The following EED variants were observed in gnomAD, a reference collection of about 807,000 sequenced individuals.
EED encodes the protein embryonic ectoderm development, also known as polycomb protein EED.
In EED, 9 loss-of-function variants were observed where a neutral mutation model predicts 61.0. That is an observed-to-expected ratio of 0.15 (90% CI 0.09 to 0.26). The LOEUF (loss-of-function observed/expected upper bound fraction) is 0.26, where lower values mean the gene tolerates loss of function less well. EED is among the 10% of genes least tolerant of loss of function. The pLI is 1.00. For missense variants in EED, 315 were observed against 542.3 expected (o/e 0.58, Z 4.16); for synonymous variants, 187 against 174.4 (o/e 1.07, Z -0.57).
intron 9 of EED, among the ~76,000 whole-genome samples, chr11:86,272,463 T>C (rs1424574786): frequency 6.6e-6 from 1 of 152,206 alleles, no homozygotes; most frequent in Non-Finnish European, 1.5e-5. Context: ...ATATATTTGA[T>C]GGGAGCTTGA....
At chr11:86,262,012 A>G (rs1945842270) in intron 6 of EED, among the ~76,000 whole-genome samples, 2 of 152,198 alleles carry the variant, frequency 1.3e-5, no homozygotes, top group African/African-American at 4.8e-5. Context: ...TCACTTAGCT[A>G]CATCCTTAAT....
chr11:86,268,205 A>G lies in EED; in HGVS notation c.861-251A>G, dbSNP rs1336386990. ...TATATATAGTAAAACGCAGGAAACT[A>G]CAATGTTTATAAACAAAGTATCTAT... On this transcript the variant is annotated intron_variant, in intron 8 of 11. Coordinates refer to ENST00000263360, the MANE Select transcript of EED (RefSeq NM_003797.5). 2.0e-4 allele frequency: 60 copies of G among 295,830 alleles called. No homozygotes were observed. The East Asian group carries it at 4.0e-3, about 20-fold the overall frequency. The allele number at this position is 295,830 out of a possible 1,614,324, so 18.3% of individuals were successfully genotyped here. A position where few individuals can be genotyped will look rare whatever the true frequency, so the allele number is the denominator to read the frequency against.
intron 9 of EED, among the ~76,000 whole-genome samples, chr11:86,273,113 TC>T (rs567683607): frequency 1.7e-3 from 258 of 152,338 alleles, no homozygotes; most frequent in Middle Eastern, 0.01. Flanking sequence ...AGCCTGAAAC[TC>T]CTGGCCTCAA....
At chr11:86,266,250 G>C in intron 8 of EED, 34 bp downstream of exon 8, 1 of 1,552,068 alleles carries the variant, frequency 6.4e-7, no homozygotes, top group Non-Finnish European at 8.8e-7. Context: ...AATTTGCTAT[G>C]TTGTGCTATT....
chr11:86,283,544 C>G (rs2138250162), downstream of EED, among the ~76,000 whole-genome samples: 1 of 152,282 alleles, frequency 6.6e-6, no homozygotes, highest in South Asian at 2.1e-4. Context: ...CAGTGCCTTT[C>G]ATGTAACAGG....
Position 86,277,047 on chromosome 11 carries a change from C to T in EED, c.1034C>T (p.Pro345Leu), listed in dbSNP as rs1207890235. The part of the protein sequence containing the change: ...KMEDDIDKIK[P>L]SESNVTILGR... The stretch of plus-strand genomic sequence containing the variant: ...GAAGATGATATAGATAAAATTAAAC[C>T]CAGTGAATCTAATGTGACTATTCTT... The change falls in exon 10 of 12, where the codon CCC (proline) becomes CTC (leucine). Residue 345 changes from proline to leucine, a missense_variant. Transcript: ENST00000263360. 1 of 1,577,254 alleles carries T rather than the reference C, an allele frequency of 6.3e-7. No homozygotes were observed.
rs1427092875 is a variant in EED at position 86,245,464 on chromosome 11, C to A, written c.114+121C>A. Reference sequence around the variant, plus strand: ...GAGGGAGAGGTGTCACTCAGGAAAACGCGGGCGTGCGGGAGAAAATTGAAA... The same window carrying A: ...GAGGGAGAGGTGTCACTCAGGAAAAAGCGGGCGTGCGGGAGAAAATTGAAA... On this transcript the variant is annotated intron_variant, in intron 1 of 11. Coordinates refer to ENST00000263360, the MANE Select transcript of EED (RefSeq NM_003797.5). 11 of 813,478 alleles carry A rather than the reference C, an allele frequency of 1.4e-5. No homozygotes were observed. In the East Asian group the frequency reaches 2.5e-4, roughly 19 times the overall value. 50.4% of individuals were successfully genotyped at this position (813,478 alleles called of 1,614,324 possible).
intron 9 of EED, among the ~76,000 whole-genome samples, chr11:86,275,552 C>T (rs1437792611): frequency 6.6e-6 from 1 of 152,226 alleles, no homozygotes; most frequent in Admixed American, 6.5e-5. Context: ...GCTCTGGCAA[C>T]ATCTTTTTAC....
intron 5 of EED, among the ~76,000 whole-genome samples, chr11:86,257,035 ATCT>A (rs1436113798): frequency 6.7e-6 from 1 of 149,860 alleles, no homozygotes; most frequent in African/African-American, 2.4e-5. Flanking sequence ...AGTTTTGAGC[ATCT>A]TTTTTTTTTT....
At position 86,278,593 on chromosome 11, in the gene EED, C is replaced by CT. The variant is rs1946283828; in HGVS notation, c.*69dup. 6.4e-7 allele frequency: 1 copy of CT among 1,572,486 alleles called. No individual in the cohort carries two copies. On this transcript the variant is annotated 3_prime_UTR_variant, in exon 12 of 12. Coordinates refer to ENST00000263360, the MANE Select transcript of EED (RefSeq NM_003797.5). ...TGTAAAATAGAATTAATGTATCTTG[C>CT]TAGTAAGGGCACGTAGAGCATTTAG...
downstream of EED, among the ~76,000 whole-genome samples, chr11:86,282,266 C>T (rs115157241): frequency 6.7e-3 from 1,014 of 152,176 alleles, 13 homozygotes; most frequent in African/African-American, 0.022. Context: ...TAAAAACTAC[C>T]TTTAATTTTT....
At chr11:86,252,273 T>C in intron 3 of EED, 33 bp downstream of exon 3, 1 of 1,455,044 alleles carries the variant, frequency 6.9e-7, no homozygotes, top group East Asian at 2.3e-5. Flanking sequence ...AGTATTTGGC[T>C]TGATTTCCAG....
At chr11:86,260,327 A>G (rs1490461672) in intron 6 of EED, among the ~76,000 whole-genome samples, 4 of 152,196 alleles carry the variant, frequency 2.6e-5, no homozygotes, top group African/African-American at 4.8e-5. Flanking sequence ...CCTGGCCTCA[A>G]GCAATGTTCC....
intron 3 of EED, among the ~76,000 whole-genome samples, chr11:86,252,634 A>G (rs886601056): frequency 2.0e-5 from 3 of 152,136 alleles, no homozygotes; most frequent in South Asian, 2.1e-4. Context: ...CTATAAATGA[A>G]GCATAAATCC....
chr11:86,279,383 A>C (rs1946298138), downstream of EED, among the ~76,000 whole-genome samples: 1 of 152,184 alleles, frequency 6.6e-6, no homozygotes, highest in Admixed American at 6.5e-5. Context: ...CTTTTCTAGA[A>C]GGATGTTACT....
intron 6 of EED, among the ~76,000 whole-genome samples, chr11:86,260,241 TTTTAGAGACAGGATCTCACTCTG>T (rs1158405813): frequency 6.6e-6 from 1 of 152,124 alleles, no homozygotes; most frequent in East Asian, 1.9e-4. Context: ...TTAAATACTG[TTTTAGAGACAGGATCTCACTCTG>T]TCAACCAGGC....
chr11:86,261,005 C>T (rs1282788444), intron 6 of EED, among the ~76,000 whole-genome samples: 3 of 151,758 alleles, frequency 2.0e-5, no homozygotes, highest in African/African-American at 7.3e-5. Flanking sequence ...GTCTCATCTC[C>T]CAACACTGCT....
At chr11:86,286,560 A>T in the EED span, among the ~76,000 whole-genome samples, 1 of 152,222 alleles carries the variant, frequency 6.6e-6, no homozygotes, top group Non-Finnish European at 1.5e-5. Context: ...TAAAGAATTG[A>T]AATGCTCCTT....
intron 7 of EED, chr11:86,265,299 A>G (rs1945947444): frequency 6.6e-6 from 1 of 152,200 alleles, no homozygotes; most frequent in South Asian, 2.1e-4. Flanking sequence ...AGTAAGGAAA[A>G]TATACTCCTT....
Sources: allele counts gnomAD v4.1 joint callset (sites outside exome capture counted in the v4.1 genomes callset), GRCh38; gene constraint gnomAD v4.1.1; transcripts MANE v1.5; gene names NCBI Gene and HGNC (gene_info 2026-07-23, HGNC 2026-07-21).